The following ITPR2 variants were observed in gnomAD, a reference collection of about 807,000 sequenced individuals.
ITPR2 encodes the protein inositol 1,4,5-trisphosphate-gated calcium channel ITPR2.
Under a neutral mutation model 317.1 loss-of-function variants are expected in ITPR2, and 207 were observed. The observed-to-expected ratio is 0.65, with a 90% CI of 0.58 to 0.73. The LOEUF (loss-of-function observed/expected upper bound fraction) is 0.73, where lower values mean the gene tolerates loss of function less well. ITPR2 is among the 30% of genes least tolerant of loss of function. The pLI is 0.00. For missense variants in ITPR2, 2,613 were observed against 3,284.0 expected (o/e 0.80, Z 4.99); for synonymous variants, 1,156 against 1,149.1 (o/e 1.01, Z -0.12).
In ITPR2 at chr12:26,686,696, A is replaced by G. The variant is rs150838364; in HGVS notation, c.997-64T>C. 8 of 1,380,846 alleles carry G rather than the reference A, an allele frequency of 5.8e-6. No individual in the cohort carries two copies. The East Asian group carries it at 1.9e-4, about 33-fold the overall frequency. The allele number at this position is 1,380,846 out of a possible 1,614,324, so 85.5% of individuals were successfully genotyped here. On this transcript the variant is annotated intron_variant, in intron 10 of 56. Transcript: ENST00000381340. ...TTCTTGCTAAACTCTCCAATTAATC[A>G]GGTGATAAGGTTTAAATGTGCATGT...
chr12:26,395,148 G>A (rs1939955590), intron 54 of ITPR2, among the ~76,000 whole-genome samples: 1 of 152,050 alleles, frequency 6.6e-6, no homozygotes, highest in Non-Finnish European at 1.5e-5. Flanking sequence ...ACATAAAAGT[G>A]ATGTCAAAGA....
At chr12:26,597,827 G>A (rs536432893) in intron 30 of ITPR2, among the ~76,000 whole-genome samples, 3 of 152,166 alleles carry the variant, frequency 2.0e-5, no homozygotes, top group African/African-American at 7.2e-5. Flanking sequence ...TCTATTATCA[G>A]TACCAATTTT....
chr12:26,647,738 A>G (rs1014549087), intron 21 of ITPR2, among the ~76,000 whole-genome samples: 1 of 152,238 alleles, frequency 6.6e-6, no homozygotes, highest in Admixed American at 6.5e-5. Context: ...GAGCAAGTAC[A>G]TTTGTTTGAA....
chr12:26,512,184 TAAAAAAA>T (rs55699727), intron 37 of ITPR2, among the ~76,000 whole-genome samples: 2 of 136,252 alleles, frequency 1.5e-5, no homozygotes, highest in Non-Finnish European at 3.1e-5. Context: ...GCTACAAAGA[TAAAAAAA>T]AAAAAAAAAA....
chr12:26,636,613 T>A (rs1946872036), intron 21 of ITPR2, among the ~76,000 whole-genome samples: 1 of 152,248 alleles, frequency 6.6e-6, no homozygotes, highest in Non-Finnish European at 1.5e-5. Flanking sequence ...CTTTCCTTTA[T>A]ACTTCTCCCT....
intron 32 of ITPR2, among the ~76,000 whole-genome samples, chr12:26,586,279 G>A (rs956909599): frequency 1.3e-5 from 2 of 151,990 alleles, no homozygotes; most frequent in African/African-American, 2.4e-5. Flanking sequence ...CTAGTAGCTG[G>A]GACTACAGGC....
chr12:26,765,288 T>C (rs1056059439), intron 2 of ITPR2, among the ~76,000 whole-genome samples: 1 of 152,118 alleles, frequency 6.6e-6, no homozygotes, highest in African/African-American at 2.4e-5. Flanking sequence ...AAGTGTATCA[T>C]TGAATGTGTG....
intron 37 of ITPR2, among the ~76,000 whole-genome samples, chr12:26,538,063 C>T (rs781098098): frequency 7.2e-5 from 11 of 152,182 alleles, no homozygotes; most frequent in Non-Finnish European, 1.5e-4. Context: ...ATTCCTACAG[C>T]TTTGCAAATT....
chr12:26,725,805 T>C (rs1948909949), intron 2 of ITPR2, 40 bp from the exon 3 acceptor site: 6 of 1,298,156 alleles, frequency 4.6e-6, no homozygotes, highest in Admixed American at 1.7e-5. Context: ...TAACTAAGGC[T>C]ACTAGCATTT....
At chr12:26,781,867 C>T (rs1254412413) in intron 2 of ITPR2, among the ~76,000 whole-genome samples, 1 of 151,622 alleles carries the variant, frequency 6.6e-6, no homozygotes, top group Non-Finnish European at 1.5e-5. Context: ...GCTTAGCCTC[C>T]CAGCCTACAT....
At chr12:26,427,792 G>T (rs1390684186) in intron 49 of ITPR2, 121 bp downstream of exon 49, 1 of 608,382 alleles carries the variant, frequency 1.6e-6, no homozygotes, top group Non-Finnish European at 2.4e-6. Context: ...GGTTAATTTA[G>T]ATTTATAATA....
At chr12:26,669,897 T>C (rs902034725) in intron 13 of ITPR2, among the ~76,000 whole-genome samples, 2 of 152,154 alleles carry the variant, frequency 1.3e-5, no homozygotes, top group Admixed American at 6.5e-5. Context: ...GGAGATTACA[T>C]CCCACACATG....
At chr12:26,773,412 T>C (rs1949905791) in intron 2 of ITPR2, among the ~76,000 whole-genome samples, 1 of 152,224 alleles carries the variant, frequency 6.6e-6, no homozygotes, top group Non-Finnish European at 1.5e-5. Flanking sequence ...TTTTTACACA[T>C]GAGCCTGCAG....
chr12:26,367,070 A>AATT (rs1266385440), intron 55 of ITPR2, among the ~76,000 whole-genome samples: 1 of 152,224 alleles, frequency 6.6e-6, no homozygotes, highest in Admixed American at 6.5e-5. Context: ...CTACAGAGTG[A>AATT]CTGTAGTGGC....
At chr12:26,363,379 A>G (rs890362440) in intron 55 of ITPR2, among the ~76,000 whole-genome samples, 3 of 152,180 alleles carry the variant, frequency 2.0e-5, no homozygotes, top group Non-Finnish European at 2.9e-5. Context: ...ATTATATGCT[A>G]CAATGTAATA....
At chr12:26,490,536 G>A (rs932674564) in intron 39 of ITPR2, among the ~76,000 whole-genome samples, 1 of 152,224 alleles carries the variant, frequency 6.6e-6, no homozygotes, top group Non-Finnish European at 1.5e-5. Context: ...GAAATGGCCG[G>A]GCGCAGTGGC....
At chr12:26,472,548 ATTGAT>A (rs370198324) in intron 45 of ITPR2, among the ~76,000 whole-genome samples, 11 of 151,436 alleles carry the variant, frequency 7.3e-5, no homozygotes, top group African/African-American at 2.7e-4. Context: ...CATTGATATC[ATTGAT>A]TTATCTTCCT....
chr12:26,522,061 C>G (rs538109989), intron 37 of ITPR2, among the ~76,000 whole-genome samples: 15 of 152,248 alleles, frequency 9.9e-5, no homozygotes, highest in African/African-American at 3.6e-4. Context: ...TCTATTCTAG[C>G]AAGATATATT....
At chr12:26,752,827 C>A (rs945567245) in intron 2 of ITPR2, among the ~76,000 whole-genome samples, 2 of 152,036 alleles carry the variant, frequency 1.3e-5, no homozygotes, top group South Asian at 2.1e-4. Flanking sequence ...AGTGAGGAAA[C>A]CCCTGACCCA....
Sources: gnomAD v4.1 joint callset for allele counts (sites outside exome capture counted in the v4.1 genomes callset) on GRCh38, gnomAD v4.1.1 for gene constraint, MANE v1.5 for transcripts, NCBI Gene and HGNC (gene_info 2026-07-23, HGNC 2026-07-21) for gene names.